DLGAP4: variants seen among roughly 807,000 people sequenced by gnomAD.
DLGAP4 encodes DLG associated protein 4.
A neutral mutation model predicts 86.9 loss-of-function variants in DLGAP4; 18 were observed. The observed-to-expected ratio is 0.21, with a 90% CI of 0.14 to 0.31. The LOEUF (loss-of-function observed/expected upper bound fraction) is 0.31. DLGAP4 is among the 10% of genes least tolerant of loss of function. DLGAP4 has a pLI of 1.00. For missense variants in DLGAP4, 1,085 were observed against 1,362.6 expected, an observed-to-expected ratio of 0.80 and a Z score of 3.21; for synonymous variants, 548 against 574.3, an observed-to-expected ratio of 0.95 and a Z score of 0.65.
At chr20:36,324,034 A>T (rs1267225886) in intron 1 of DLGAP4, among the ~76,000 whole-genome samples, 1 of 151,998 alleles carries the variant, frequency 6.6e-6, no homozygotes, top group East Asian at 1.9e-4. Flanking sequence ...CAATTCATCT[A>T]TTTTTTTTCT....
chr20:36,343,401 C>A (rs2065404098), intron 1 of DLGAP4, among the ~76,000 whole-genome samples: 1 of 152,140 alleles, frequency 6.6e-6, no homozygotes, highest in Non-Finnish European at 1.5e-5. Context: ...TGATGCCCCA[C>A]ACCAGGGCCC....
intron 2 of DLGAP4, among the ~76,000 whole-genome samples, chr20:36,423,386 G>A (rs548665946): frequency 1.4e-5 from 2 of 143,792 alleles, no homozygotes; most frequent in South Asian, 4.5e-4. Context: ...AACTCGGGGG[G>A]CAGAGGTTGC....
intron 7 of DLGAP4, among the ~76,000 whole-genome samples, chr20:36,480,222 A>C (rs1212119370): frequency 6.6e-6 from 1 of 152,176 alleles, no homozygotes; most frequent in Non-Finnish European, 1.5e-5. Flanking sequence ...CTGATCTCCT[A>C]TTCTGAGGAT....
chr20:36,321,921 T>C (rs559244111), intron 1 of DLGAP4, among the ~76,000 whole-genome samples: 1 of 152,336 alleles, frequency 6.6e-6, no homozygotes, highest in South Asian at 2.1e-4. Context: ...CTGTGGCAGA[T>C]AGATTCATTC....
rs138611796 is a variant in DLGAP4 at position 36,384,337 on chromosome 20, G to A, written c.-73+17062G>A. Among the ~76,000 whole-genome samples the A allele has an allele frequency of 5.9e-3, 906 of 152,292 alleles. 7 individuals carry two copies. Among genetic ancestry groups the A allele is most frequent in the African/African-American group, 0.021 (855 of 41,540 alleles). On this transcript the variant is annotated intron_variant, in intron 2 of 12. Coordinates refer to ENST00000339266, the MANE Select transcript of DLGAP4 (RefSeq NM_001365621.2). ...GTGTGGTTTTCTGGGGACCCAACTG[G>A]GAGGTCAGAAGCTTTGGCCCTGGCA...
chr20:36,476,172 C>T (rs1313890116), intron 7 of DLGAP4, among the ~76,000 whole-genome samples: 1 of 151,932 alleles, frequency 6.6e-6, no homozygotes, highest in East Asian at 1.9e-4. Context: ...TTTAAGTGTG[C>T]AGTTCATTGG....
intron 2 of DLGAP4, among the ~76,000 whole-genome samples, chr20:36,377,755 G>T (rs777579445): frequency 6.6e-6 from 1 of 152,130 alleles, no homozygotes; most frequent in Non-Finnish European, 1.5e-5. Context: ...AGGTTGGGGC[G>T]GCGGATGCCA....
chr20:36,421,930 T>C (rs557664651), intron 2 of DLGAP4, among the ~76,000 whole-genome samples: 5 of 151,926 alleles, frequency 3.3e-5, no homozygotes, highest in Non-Finnish European at 5.9e-5. Context: ...TGCGTCAGGA[T>C]GAGATCAGCA....
At chr20:36,437,796 G>T (rs771545418) in intron 4 of DLGAP4, among the ~76,000 whole-genome samples, 1 of 152,188 alleles carries the variant, frequency 6.6e-6, no homozygotes, top group Non-Finnish European at 1.5e-5. Flanking sequence ...TCTCAGAGCA[G>T]CCAGGAGTCT....
intron 10 of DLGAP4, among the ~76,000 whole-genome samples, chr20:36,516,310 C>G (rs560662629): frequency 5.9e-5 from 9 of 152,264 alleles, no homozygotes; most frequent in African/African-American, 1.9e-4. Flanking sequence ...TATTCTAATC[C>G]TGATCCTAGT....
At position 36,439,862 on chromosome 20, in the gene DLGAP4, C is replaced by G. The variant is rs764736387; in HGVS notation, c.1350C>G (p.Ile450Met). 41 of 1,612,896 alleles carry G rather than the reference C, an allele frequency of 2.5e-5. No homozygotes were observed. The East Asian group carries it at 9.1e-4, about 36-fold the overall frequency. Residue 450 changes from isoleucine to methionine, a missense_variant, in exon 5 of 13, where the codon ATC (isoleucine) becomes ATG (methionine). Ile to Met is a conservative substitution (Grantham distance 10, BLOSUM62 1). This residue lies in a region of DLGAP4 where 1,082 missense variants were observed against 1,344.1 expected (regional missense o/e 0.81). Coordinates refer to ENST00000339266, the MANE Select transcript of DLGAP4 (RefSeq NM_001365621.2). ...ACAGCCTCAACGACTCCAGCTGCATCAGCCAGGTGAGGGTGGCAGGGAGGC... is the reference window on the plus strand; with the variant it reads ...ACAGCCTCAACGACTCCAGCTGCATGAGCCAGGTGAGGGTGGCAGGGAGGC... The part of the protein sequence containing the change: ...VSDSLNDSSC[I>M]SQIFGQASLI...
chr20:36,467,741 A>G (rs1600584900), intron 7 of DLGAP4, among the ~76,000 whole-genome samples: 2 of 152,248 alleles, frequency 1.3e-5, no homozygotes, highest in Admixed American at 1.3e-4. Context: ...GCCAGAAGGG[A>G]AAATGTTGGG....
intron 5 of DLGAP4, among the ~76,000 whole-genome samples, chr20:36,440,829 C>A (rs1165882281): frequency 1.3e-5 from 2 of 151,974 alleles, no homozygotes; most frequent in African/African-American, 4.8e-5. Context: ...GTGGGGCGGC[C>A]AGGTGCGGGT....
intron 7 of DLGAP4, among the ~76,000 whole-genome samples, chr20:36,475,657 G>A (rs1251317215): frequency 6.6e-6 from 1 of 152,082 alleles, no homozygotes; most frequent in Non-Finnish European, 1.5e-5. Context: ...GAGATTGTAG[G>A]CAGATTATTA....
In DLGAP4 at chr20:36,525,231, A is replaced by C. The variant is rs867706363; in HGVS notation, c.2605-620A>C. Among the ~76,000 whole-genome samples the C allele has an allele frequency of 8.1e-4, 89 of 109,264 alleles. 1 individual carries two copies. The highest frequency in any genetic ancestry group is 3.2e-3 in the African/African-American group (83 of 26,080). 71.7% of individuals were successfully genotyped at this position (109,264 alleles called of 152,430 possible). The stretch of plus-strand genomic sequence containing the variant: ...GACTCCGTCTCAAAAAAAAAAAAAA[A>C]AAAAAAAAAAAAAAAAAAAAAAACA... On this transcript the variant is annotated intron_variant, in intron 11 of 12. Coordinates refer to ENST00000339266, the MANE Select transcript of DLGAP4 (RefSeq NM_001365621.2).
chr20:36,526,864 C>G lies in DLGAP4; in HGVS notation c.2812C>G (p.Pro938Ala). 6.2e-7 allele frequency: 1 copy of G among 1,612,318 alleles called. No individual in the cohort carries two copies. Among genetic ancestry groups the G allele is most frequent in the East Asian group, 2.2e-5 (1 of 44,824 alleles). The change falls in exon 13 of 13, where the codon CCG becomes GCG. Residue 938 changes from proline to alanine, a missense_variant. Transcript: ENST00000339266. Reference sequence around the variant, plus strand: ...CCCAAAGAAGCCAGCCAAATCCAAGCCGGCAGTGAGCCGCGACAAGGCCTC... The same window carrying G: ...CCCAAAGAAGCCAGCCAAATCCAAGGCGGCAGTGAGCCGCGACAAGGCCTC... ...PVPKKPAKSKPAVSRDKASDA... is the reference protein window; with the variant it reads ...PVPKKPAKSKAAVSRDKASDA...
chr20:36,502,035 T>C (rs1245161712), intron 10 of DLGAP4, among the ~76,000 whole-genome samples: 1 of 152,242 alleles, frequency 6.6e-6, no homozygotes, highest in Admixed American at 6.5e-5. Context: ...CATATATCTT[T>C]TAAAAAATGT....
Position 36,432,737 on chromosome 20 carries a change from G to A in DLGAP4, c.999+21G>A. 1 of 1,610,402 alleles carries A rather than the reference G, an allele frequency of 6.2e-7. No individual in the cohort carries two copies. Among genetic ancestry groups the A allele is most frequent in the Non-Finnish European group, 8.5e-7 (1 of 1,178,536 alleles). On this transcript the variant is annotated intron_variant, in intron 3 of 12. Transcript: ENST00000339266. This position sits in a 1 kb window ranked among gnomAD's most constrained non-coding sequence, Gnocchi z 6.5. ...TGCAGGTGGGTCTCTGGCAGGGTCA[G>A]GGGTGGGATGAGGGCTCTGGGGACG... is the stretch of plus-strand genomic sequence containing the variant.
chr20:36,460,405 T>C (rs1262607157), intron 7 of DLGAP4, among the ~76,000 whole-genome samples: 3 of 152,242 alleles, frequency 2.0e-5, no homozygotes, highest in African/African-American at 7.2e-5. Flanking sequence ...TTCAAAACGG[T>C]TGGCTAACCC....
Sources: allele counts gnomAD v4.1 joint callset (sites outside exome capture counted in the v4.1 genomes callset), GRCh38; gene constraint gnomAD v4.1.1; regional missense constraint gnomAD v4.1.1; non-coding constraint Gnocchi (gnomAD v3.1); transcripts MANE v1.5; gene names NCBI Gene and HGNC (gene_info 2026-07-23, HGNC 2026-07-21).